Variants in NT5E observed in about 807,000 individuals in gnomAD.
NT5E encodes the protein 5'-nucleotidase.
NT5E carries 53 observed loss-of-function variants against 55.1 expected under a neutral mutation model. The ratio of observed to expected loss-of-function variants is 0.96; its 90% confidence interval spans 0.77 to 1.21. The LOEUF (loss-of-function observed/expected upper bound fraction) is 1.21. Among genes scored for constraint, NT5E ranks in the 50% most tolerant of loss-of-function variants. The probability of loss-of-function intolerance (pLI) is 0.00; values close to 1 mark genes in which losing one functional copy is unlikely to be tolerated. For synonymous variants in NT5E, 270 were observed against 278.4 expected (o/e 0.97, Z 0.30); for missense variants, 683 against 724.3 (o/e 0.94, Z 0.65).
chr6:85,460,228 A>G (rs1212456958), intron 1 of NT5E, among the ~76,000 whole-genome samples: 2 of 152,178 alleles, frequency 1.3e-5, no homozygotes, highest in African/African-American at 4.8e-5. Context: ...TACCCTGTCC[A>G]TGGCAGATGC....
chr6:85,466,738 A>G (rs1360077656), intron 1 of NT5E, among the ~76,000 whole-genome samples: 1 of 152,182 alleles, frequency 6.6e-6, no homozygotes, highest in African/African-American at 2.4e-5. Flanking sequence ...AGAGAAAAAC[A>G]ACATGGAAAA....
intron 1 of NT5E, 116 bp from the exon 2 acceptor site, chr6:85,466,944 G>T (rs1219286649): frequency 2.0e-6 from 2 of 976,122 alleles, no homozygotes; most frequent in Non-Finnish European, 3.2e-6. Flanking sequence ...ACCCAGGTGA[G>T]GAGGACACAA....
chr6:85,462,649 C>T (rs1039496203), intron 1 of NT5E, among the ~76,000 whole-genome samples: 1 of 152,200 alleles, frequency 6.6e-6, no homozygotes, highest in African/African-American at 2.4e-5. Flanking sequence ...GCACCAGTGC[C>T]CAGCAGATGA....
chr6:85,450,395 C>G lies in NT5E; in HGVS notation c.256C>G (p.Gln86Glu). ...PNVLLLDAGD[Q>E]YQGTIWFTVY... Reference sequence around the variant, plus strand: ...CGTGCTGCTGCTGGACGCCGGCGACCAGTACCAGGGCACTATCTGGTTCAC... The same window carrying G: ...CGTGCTGCTGCTGGACGCCGGCGACGAGTACCAGGGCACTATCTGGTTCAC... The change falls in exon 1 of 9, where the codon CAG (glutamine) becomes GAG (glutamate). Residue 86 changes from glutamine (Q) to glutamate (E), a missense_variant. By Grantham distance (29) the Gln-to-Glu change is conservative. Transcript: ENST00000257770. This position sits in a 1 kb window ranked among gnomAD's most constrained non-coding sequence, Gnocchi z 4.0. 1 of 1,601,960 alleles carries G rather than the reference C, an allele frequency of 6.2e-7. No homozygotes were observed. The highest frequency in any genetic ancestry group is 1.7e-5 in the Admixed American group (1 of 58,110).
rs770552473 is a variant in NT5E at position 85,489,470 on chromosome 6, T to C, written c.1105-24T>C. On this transcript the variant is annotated intron_variant, in intron 5 of 8. Transcript: ENST00000257770. The stretch of plus-strand genomic sequence containing the variant: ...AAGGAAGAAGAGCCAGAGTAACTAG[T>C]GTAAATCTGTGCTACTGTTGCAGAT... The C allele has an allele frequency of 4.6e-6, 7 of 1,511,452 alleles. No individual in the cohort carries two copies. The Admixed American group carries it at 1.0e-4, about 22-fold the overall frequency. 93.6% of individuals were successfully genotyped at this position (1,511,452 alleles called of 1,614,324 possible).
At position 85,467,207 on chromosome 6, in the gene NT5E, G is replaced by T; in HGVS notation, c.487G>T (p.Val163Phe). The change falls in exon 2 of 9, where the codon GTT becomes TTT. Residue 163 changes from valine to phenylalanine, a missense_variant. Val to Phe is a conservative substitution (Grantham distance 50). Coordinates refer to ENST00000257770, the MANE Select transcript of NT5E (RefSeq NM_002526.4). The stretch of plus-strand genomic sequence containing the variant: ...ATCAGGACTTTATTTGCCATATAAA[G>T]TTCTTCCTGTTGGTGATGAAGTTGT... ...QISGLYLPYK[V>F]LPVGDEVVGI... The T allele has an allele frequency of 6.2e-7, 1 of 1,614,108 alleles. No homozygotes were observed. Among genetic ancestry groups the T allele is most frequent in the Non-Finnish European group, 8.5e-7 (1 of 1,179,998 alleles).
chr6:85,461,046 G>C (rs189270320), intron 1 of NT5E, among the ~76,000 whole-genome samples: 211 of 152,260 alleles, frequency 1.4e-3, no homozygotes, highest in African/African-American at 4.9e-3. Context: ...CCCTCTCCCT[G>C]TTATTAAATA....
At chr6:85,462,448 C>A (rs548873937) in intron 1 of NT5E, among the ~76,000 whole-genome samples, 2 of 152,286 alleles carry the variant, frequency 1.3e-5, no homozygotes, top group South Asian at 4.1e-4. Context: ...CACCTGGATG[C>A]CATGAGCTGC....
intron 1 of NT5E, among the ~76,000 whole-genome samples, chr6:85,462,747 A>G (rs1769121082): frequency 6.6e-6 from 1 of 152,212 alleles, no homozygotes; most frequent in African/African-American, 2.4e-5. Context: ...GAACCATTAA[A>G]ACTTTTCAGA....
At chr6:85,484,490 ACAGAGGCCTG>A (rs1396695448) in intron 3 of NT5E, among the ~76,000 whole-genome samples, 1 of 152,086 alleles carries the variant, frequency 6.6e-6, no homozygotes, top group Non-Finnish European at 1.5e-5. Context: ...CCCCTTTGAG[ACAGAGGCCTG>A]CAGAACCTGA....
chr6:85,464,488 C>T (rs1205650522), intron 1 of NT5E, among the ~76,000 whole-genome samples: 16 of 152,080 alleles, frequency 1.1e-4, no homozygotes. Flanking sequence ...GGGAGCTACC[C>T]CTGCCTTGTT....
chr6:85,470,499 G>A (rs1443469109), intron 2 of NT5E, among the ~76,000 whole-genome samples: 1 of 152,192 alleles, frequency 6.6e-6, no homozygotes, highest in Non-Finnish European at 1.5e-5. Context: ...TGCCCAGGCT[G>A]GAGTGCAGTG....
intron 1 of NT5E, among the ~76,000 whole-genome samples, chr6:85,455,986 G>T (rs1197723031): frequency 6.6e-6 from 1 of 151,990 alleles, no homozygotes; most frequent in East Asian, 1.9e-4. Context: ...TTCGGGAAGG[G>T]GGCTGGTCGC....
intron 1 of NT5E, among the ~76,000 whole-genome samples, chr6:85,452,975 C>T (rs1768916648): frequency 6.6e-6 from 1 of 152,114 alleles, no homozygotes; most frequent in Admixed American, 6.6e-5. Flanking sequence ...AGAGGAATTT[C>T]CTAGAATCCA....
At chr6:85,486,675 C>G (rs935230027) in intron 4 of NT5E, among the ~76,000 whole-genome samples, 1 of 152,208 alleles carries the variant, frequency 6.6e-6, no homozygotes, top group African/African-American at 2.4e-5. Context: ...GCAGTCCAAC[C>G]TGGCATTGTC....
At chr6:85,473,120 A>G in intron 3 of NT5E, among the ~76,000 whole-genome samples, 1 of 152,208 alleles carries the variant, frequency 6.6e-6, no homozygotes, top group East Asian at 1.9e-4. Flanking sequence ...CAACAACTCC[A>G]TGAGGGTTAA....
intron 3 of NT5E, among the ~76,000 whole-genome samples, chr6:85,477,162 C>T (rs1769455116): frequency 6.6e-6 from 1 of 152,052 alleles, no homozygotes; most frequent in Non-Finnish European, 1.5e-5. Flanking sequence ...TTTTGAATTC[C>T]TCTTTCCCTC....
chr6:85,482,455 T>C (rs1477708261), intron 3 of NT5E, among the ~76,000 whole-genome samples: 2 of 152,114 alleles, frequency 1.3e-5, no homozygotes, highest in East Asian at 3.8e-4. Context: ...AAAGGCTGCT[T>C]CCTGGCACTT....
intron 3 of NT5E, 141 bp downstream of exon 3, chr6:85,471,566 T>C (rs1769308668): frequency 2.2e-6 from 1 of 447,032 alleles, no homozygotes; most frequent in Non-Finnish European, 3.8e-6. Flanking sequence ...ATATGTAATA[T>C]ACATTAAATG....
Sources: gnomAD v4.1 joint callset for allele counts (sites outside exome capture counted in the v4.1 genomes callset) on GRCh38, gnomAD v4.1.1 for gene constraint, Gnocchi (gnomAD v3.1) non-coding constraint, MANE v1.5 for transcripts, NCBI Gene and HGNC (gene_info 2026-07-23, HGNC 2026-07-21) for gene names.